FANCI: variants seen among roughly 807,000 people sequenced by gnomAD.
The protein encoded by FANCI is FA complementation group I.
In FANCI, 156 loss-of-function variants were observed where a neutral mutation model predicts 176.1. That is an observed-to-expected ratio of 0.89 (90% CI 0.78 to 1.01). FANCI has a LOEUF of 1.01. FANCI is among the 50% of genes least tolerant of loss of function. The pLI, the probability that FANCI is intolerant of heterozygous loss-of-function variation, is 0.00. For synonymous variants in FANCI, 613 were observed against 541.7 expected (o/e 1.13, Z -1.83); for missense variants, 1,678 against 1,534.1 (o/e 1.09, Z -1.57).
chr15:89,277,437 G>A (rs903483880), intron 13 of FANCI, among the ~76,000 whole-genome samples: 2 of 151,764 alleles, frequency 1.3e-5, no homozygotes, highest in African/African-American at 2.4e-5. Context: ...GCAACGTGGC[G>A]AAACCTCATC....
intron 9 of FANCI, among the ~76,000 whole-genome samples, chr15:89,266,220 G>A (rs1283876304): frequency 6.8e-6 from 1 of 146,182 alleles, no homozygotes; most frequent in East Asian, 2.0e-4. Context: ...GGAGTACAGT[G>A]GTGTGATCTC....
At chr15:89,304,688 C>T (rs1372825722) in intron 28 of FANCI, among the ~76,000 whole-genome samples, 1 of 152,146 alleles carries the variant, frequency 6.6e-6, no homozygotes, top group Non-Finnish European at 1.5e-5. Flanking sequence ...GTGCCTGAGA[C>T]ACGACAAGCT....
At chr15:89,297,356 G>A (rs2054337488) in intron 24 of FANCI, among the ~76,000 whole-genome samples, 1 of 152,018 alleles carries the variant, frequency 6.6e-6, no homozygotes, top group Non-Finnish European at 1.5e-5. Flanking sequence ...TCCCAGACGG[G>A]GTGGCGGCTG....
At chr15:89,275,260 C>T (rs2053368425) in intron 12 of FANCI, among the ~76,000 whole-genome samples, 1 of 151,912 alleles carries the variant, frequency 6.6e-6, no homozygotes, top group Non-Finnish European at 1.5e-5. Flanking sequence ...GAGTAAAAAA[C>T]ATTAAGAGTT....
intron 20 of FANCI, among the ~76,000 whole-genome samples, chr15:89,292,104 C>G (rs781005390): frequency 1.6e-4 from 24 of 152,194 alleles, no homozygotes; most frequent in Non-Finnish European, 2.9e-4. Context: ...AGGATTGGCA[C>G]TGTTGAACCT....
rs765418977 is a variant in FANCI at position 89,260,798 on chromosome 15, G to T, written c.243G>T (p.Leu81Phe). 34 of 1,614,012 alleles carry T rather than the reference G, an allele frequency of 2.1e-5. No individual in the cohort carries two copies. The highest frequency in any genetic ancestry group is 2.6e-5 in the Non-Finnish European group (31 of 1,179,918). The change falls in exon 4 of 38, where the codon TTG becomes TTT. Residue 81 changes from leucine (L) to phenylalanine (F), a missense_variant. Coordinates refer to ENST00000310775, the MANE Select transcript of FANCI (RefSeq NM_001113378.2). ...TCCAGTTGGTGGAATCGGGGGATTT[G>T]CAGAAAGAAATAGCGTCTGAGATCA... ...CCIQLVESGD[L>F]QKEIASEIIG...
intron 1 of FANCI, 30 bp downstream of exon 1, chr15:89,244,063 G>C (rs571381139): frequency 1.3e-5 from 2 of 152,550 alleles, no homozygotes; most frequent in African/African-American, 2.4e-5. Flanking sequence ...AGAGCGGCTC[G>C]CGAGGTGCTC....
Position 89,299,782 on chromosome 15 carries a change from C to T in FANCI, c.2637-18C>T, listed in dbSNP as rs746722211. On this transcript the variant is annotated intron_variant, in intron 24 of 37. Coordinates refer to ENST00000310775, the MANE Select transcript of FANCI (RefSeq NM_001113378.2). The stretch of plus-strand genomic sequence containing the variant: ...GTGAACCTGTCTTTAAAAACAATAC[C>T]ACTTTCTCCTGCTTCAGAGTCTTGC... The T allele has an allele frequency of 2.5e-6, 4 of 1,611,434 alleles. No individual in the cohort carries two copies. The East Asian group carries it at 6.7e-5, about 27-fold the overall frequency.
intron 6 of FANCI, among the ~76,000 whole-genome samples, 154 bp downstream of exon 6, chr15:89,262,032 G>A (rs915398761): frequency 6.6e-6 from 1 of 152,162 alleles, no homozygotes; most frequent in Non-Finnish European, 1.5e-5. Context: ...CAATGAATTA[G>A]TGAGAAAGAA....
At chr15:89,259,630 C>T (rs1443422815) in intron 3 of FANCI, among the ~76,000 whole-genome samples, 1 of 152,182 alleles carries the variant, frequency 6.6e-6, no homozygotes, top group Non-Finnish European at 1.5e-5. Context: ...AGGTTTGCAT[C>T]TCTTAGATGT....
intron 10 of FANCI, among the ~76,000 whole-genome samples, chr15:89,269,058 A>G (rs1355711576): frequency 2.6e-5 from 4 of 152,228 alleles, no homozygotes; most frequent in Non-Finnish European, 1.5e-5. Flanking sequence ...TGTTCCTCCA[A>G]CTTTTTAGTT....
At chr15:89,253,738 A>C (rs1408324126) in intron 2 of FANCI, among the ~76,000 whole-genome samples, 3 of 144,454 alleles carry the variant, frequency 2.1e-5, no homozygotes, top group Admixed American at 7.1e-5. Flanking sequence ...AAATATTTGT[A>C]ACGTATCACA....
intron 2 of FANCI, among the ~76,000 whole-genome samples, chr15:89,249,274 G>A (rs898795364): frequency 6.6e-6 from 1 of 151,824 alleles, no homozygotes; most frequent in African/African-American, 2.4e-5. Flanking sequence ...AACAGAAATG[G>A]GAAAATTCAT....
chr15:89,316,878 A>G lies in FANCI; in HGVS notation c.*419A>G. ...GATGCCACCTCAAGAACTGTAACTG[A>G]GAGCTCAGAAGTGAGCAAAGGAGCT... On this transcript the variant is annotated 3_prime_UTR_variant, in exon 38 of 38. Transcript: ENST00000310775. 7.6e-7 allele frequency: 1 copy of G among 1,309,258 alleles called. No homozygotes were observed. Among genetic ancestry groups the G allele is most frequent in the Admixed American group, 1.7e-5 (1 of 59,626 alleles). 81.1% of individuals were successfully genotyped at this position (1,309,258 alleles called of 1,614,324 possible). A position where few individuals can be genotyped will look rare whatever the true frequency, so the allele number is the denominator to read the frequency against.
rs1009788730 is a variant in FANCI, at chr15:89,268,542, A to G, written c.882+17A>G. 6.2e-7 allele frequency: 1 copy of G among 1,613,970 alleles called. No homozygotes were observed. The highest frequency in any genetic ancestry group is 8.5e-7 in the Non-Finnish European group (1 of 1,179,938). ...CACTTAAAGGTAGCATCAAACTTGTAAGGTGATCTGGGTCTCTTTTGAATG... is the reference window on the plus strand; with the variant it reads ...CACTTAAAGGTAGCATCAAACTTGTGAGGTGATCTGGGTCTCTTTTGAATG... On this transcript the variant is annotated intron_variant, in intron 10 of 37. Transcript: ENST00000310775.
chr15:89,282,766 T>C (rs997864973), intron 16 of FANCI: 8 of 323,778 alleles, frequency 2.5e-5, no homozygotes, highest in Non-Finnish European at 4.2e-5. Context: ...TATCCTATGA[T>C]GAAAGAGAGC....
At chr15:89,291,459 C>T (rs2054066162) in intron 19 of FANCI, among the ~76,000 whole-genome samples, 154 bp from the exon 20 acceptor site, 1 of 152,044 alleles carries the variant, frequency 6.6e-6, no homozygotes, top group African/African-American at 2.4e-5. Context: ...TGTGGGTGAG[C>T]CAAAGAAATA....
intron 1 of FANCI, chr15:89,245,334 A>ATTT (rs869076373): frequency 1.1e-4 from 4 of 36,170 alleles, no homozygotes; most frequent in Admixed American, 4.6e-4. Flanking sequence ...ACGCCCAGCT[A>ATTT]TTTTTTTTTT....
intron 2 of FANCI, among the ~76,000 whole-genome samples, chr15:89,255,321 G>A (rs890064116): frequency 6.6e-6 from 1 of 152,174 alleles, no homozygotes; most frequent in African/African-American, 2.4e-5. Flanking sequence ...CTTGATGTCA[G>A]TGTTATTCCT....
Sources: allele counts gnomAD v4.1 joint callset (sites outside exome capture counted in the v4.1 genomes callset), GRCh38; gene constraint gnomAD v4.1.1; transcripts MANE v1.5; gene names NCBI Gene and HGNC (gene_info 2026-07-23, HGNC 2026-07-21).